The following PHKB variants were observed in gnomAD, a reference collection of about 807,000 sequenced individuals.
PHKB encodes phosphorylase b kinase regulatory subunit beta.
PHKB carries 122 observed loss-of-function variants against 152.1 expected under a neutral mutation model. The ratio of observed to expected loss-of-function variants is 0.80; its 90% CI spans 0.69 to 0.93. PHKB has a LOEUF of 0.93. Among genes scored for constraint, PHKB ranks in the 40% least tolerant of loss-of-function variants. The pLI is 0.00. For missense variants in PHKB, 1,304 were observed against 1,328.4 expected, an observed-to-expected ratio of 0.98 and a Z score of 0.29; for synonymous variants, 436 against 464.9, an observed-to-expected ratio of 0.94 and a Z score of 0.80.
chr16:47,580,864 G>GA (rs1328671457), intron 8 of PHKB, among the ~76,000 whole-genome samples: 18 of 150,352 alleles, frequency 1.2e-4, no homozygotes, highest in South Asian at 4.2e-4. Flanking sequence ...CTCTGGGGAT[G>GA]AAAAAAAAAC....
At chr16:47,688,251 G>A (rs1445673836) in intron 26 of PHKB, among the ~76,000 whole-genome samples, 1 of 152,164 alleles carries the variant, frequency 6.6e-6, no homozygotes. Context: ...TCCTAATGGT[G>A]TGTAAATTTC....
chr16:47,463,644 G>A, intron 1 of PHKB: 3 of 421,908 alleles, frequency 7.1e-6, no homozygotes, highest in South Asian at 6.6e-5. Flanking sequence ...CTGCACAACA[G>A]AGGATACTAC....
At position 47,580,274 on chromosome 16, in the gene PHKB, G is replaced by A. The variant is rs529963226; in HGVS notation, c.711-21G>A. 44 of 1,593,758 alleles carry A rather than the reference G, an allele frequency of 2.8e-5. No homozygotes were observed. The South Asian group carries it at 4.9e-4, about 18-fold the overall frequency. On this transcript the variant is annotated intron_variant, in intron 7 of 30. Coordinates refer to ENST00000323584, the MANE Select transcript of PHKB (RefSeq NM_000293.3). Reference sequence around the variant, plus strand: ...TAGCCACATACATTAGAGTAATAAAGCATTTCCTTTTCTCTTTTAGCTCGG... The same window carrying A: ...TAGCCACATACATTAGAGTAATAAAACATTTCCTTTTCTCTTTTAGCTCGG...
chr16:47,567,878 G>A (rs566155794), intron 7 of PHKB, among the ~76,000 whole-genome samples: 2 of 152,276 alleles, frequency 1.3e-5, no homozygotes, highest in South Asian at 4.2e-4. Context: ...TTGTATCCCT[G>A]GGATGAAGCC....
chr16:47,481,682 A>G (rs1039760109), intron 1 of PHKB, among the ~76,000 whole-genome samples: 10 of 152,326 alleles, frequency 6.6e-5, no homozygotes, highest in African/African-American at 2.4e-4. Flanking sequence ...GACAATTCGT[A>G]TTTAATATGC....
chr16:47,693,871 G>C (rs1211600186), intron 28 of PHKB, among the ~76,000 whole-genome samples: 2 of 152,154 alleles, frequency 1.3e-5, no homozygotes, highest in African/African-American at 4.8e-5. Context: ...TGAGCAAGCT[G>C]TCCTTCCTTT....
chr16:47,641,660 A>T lies in PHKB; in HGVS notation c.1576A>T (p.Ile526Phe). 6.2e-7 allele frequency: 1 copy of T among 1,603,336 alleles called. No homozygotes were observed. Among genetic ancestry groups the T allele is most frequent in the Non-Finnish European group, 8.5e-7 (1 of 1,170,150 alleles). ...TCAAACTCCTCAACAAGTAGAACCC[A>T]TTCAGATATGGCCTCAGCAGGAGCT... ...QTQTPQQVEP[I>F]QIWPQQELVK... The change falls in exon 16 of 31, where the codon ATT becomes TTT. Residue 526 changes from isoleucine to phenylalanine, a missense_variant. Coordinates refer to ENST00000323584, the MANE Select transcript of PHKB (RefSeq NM_000293.3).
chr16:47,696,025 C>G (rs1341896350), intron 28 of PHKB, among the ~76,000 whole-genome samples: 1 of 152,218 alleles, frequency 6.6e-6, no homozygotes, highest in Non-Finnish European at 1.5e-5. Context: ...GTGCGGGAGC[C>G]TGACAGCAAG....
intron 1 of PHKB, among the ~76,000 whole-genome samples, chr16:47,494,076 C>G (rs1970194164): frequency 6.6e-6 from 1 of 152,194 alleles, no homozygotes; most frequent in South Asian, 2.1e-4. Context: ...AGCAGAGATT[C>G]CTGCTGACTT....
At chr16:47,512,980 C>G (rs1970535847) in intron 5 of PHKB, among the ~76,000 whole-genome samples, 1 of 152,186 alleles carries the variant, frequency 6.6e-6, no homozygotes, top group Admixed American at 6.5e-5. Flanking sequence ...TAAACAGCTC[C>G]TTGGAGAGTT....
intron 8 of PHKB, among the ~76,000 whole-genome samples, chr16:47,584,556 A>G (rs1971904199): frequency 6.6e-6 from 1 of 152,218 alleles, no homozygotes; most frequent in South Asian, 2.1e-4. Context: ...CTGTTGGGTC[A>G]GTAAGCAAAA....
chr16:47,556,411 T>C (rs1971370806), intron 7 of PHKB, among the ~76,000 whole-genome samples: 1 of 152,230 alleles, frequency 6.6e-6, no homozygotes, highest in African/African-American at 2.4e-5. Flanking sequence ...GGGTTTGTCA[T>C]AGATAGCTCT....
chr16:47,468,336 C>A (rs1275574437), intron 1 of PHKB, among the ~76,000 whole-genome samples: 1 of 152,210 alleles, frequency 6.6e-6, no homozygotes, highest in Non-Finnish European at 1.5e-5. Context: ...CTGCTTAAGG[C>A]CCTCCTATTG....
At chr16:47,494,160 T>G (rs559684388) in intron 1 of PHKB, among the ~76,000 whole-genome samples, 27 of 152,266 alleles carry the variant, frequency 1.8e-4, no homozygotes, top group African/African-American at 6.0e-4. Flanking sequence ...GGTGGGGCTC[T>G]CTAGAGGTCC....
intron 6 of PHKB, among the ~76,000 whole-genome samples, chr16:47,540,819 G>GT (rs75589113): frequency 0.037 from 2,394 of 64,328 alleles, 44 homozygotes; most frequent in Middle Eastern, 0.079. Context: ...TAAATGTCCT[G>GT]TTTTTTTTTT....
chr16:47,678,104 A>C (rs1006526525), intron 26 of PHKB, among the ~76,000 whole-genome samples: 13 of 151,896 alleles, frequency 8.6e-5, no homozygotes, highest in South Asian at 4.2e-4. Context: ...TGAACTCATC[A>C]TTTTTTATGG....
At chr16:47,648,809 C>G (rs1364465836) in intron 17 of PHKB, among the ~76,000 whole-genome samples, 193 bp downstream of exon 17, 3 of 152,040 alleles carry the variant, frequency 2.0e-5, no homozygotes, top group Non-Finnish European at 2.9e-5. Context: ...TGAAGGAGCA[C>G]CTCACTGCTA....
chr16:47,638,881 G>A (rs1209556491), intron 14 of PHKB, among the ~76,000 whole-genome samples: 1 of 152,164 alleles, frequency 6.6e-6, no homozygotes, highest in African/African-American at 2.4e-5. Context: ...CCTATAAGCA[G>A]AAATTATTAC....
At chr16:47,652,493 A>T (rs558195709) in intron 20 of PHKB, among the ~76,000 whole-genome samples, 2 of 151,770 alleles carry the variant, frequency 1.3e-5, no homozygotes, top group Middle Eastern at 3.4e-3. Flanking sequence ...TGGCTAAACT[A>T]ATTGACATTC....
Sources: allele counts gnomAD v4.1 joint callset (sites outside exome capture counted in the v4.1 genomes callset), GRCh38; gene constraint gnomAD v4.1.1; transcripts MANE v1.5; gene names NCBI Gene and HGNC (gene_info 2026-07-23, HGNC 2026-07-21).